Variants in ECI1 observed in about 807,000 individuals in gnomAD.
ECI1 encodes enoyl-CoA delta isomerase 1.
ECI1 carries 34 observed loss-of-function variants against 34.2 expected under a neutral mutation model. The observed-to-expected ratio is 1.00, with a 90% CI of 0.76 to 1.33. The LOEUF is 1.33. Ranked by LOEUF, ECI1 falls within the 40% of genes most tolerant of loss-of-function variation. The pLI is 0.00. For synonymous variants in ECI1, 211 were observed against 193.0 expected (o/e 1.09, Z -0.77); for missense variants, 456 against 422.2 (o/e 1.08, Z -0.70).
intron 2 of ECI1, among the ~76,000 whole-genome samples, chr16:2,249,522 A>G (rs1245404628): frequency 6.6e-6 from 1 of 151,954 alleles, no homozygotes; most frequent in East Asian, 1.9e-4. Context: ...AAAAAGGAAA[A>G]GTGTTCGTAC....
At chr16:2,248,836 G>A (rs1171009089) in intron 2 of ECI1, among the ~76,000 whole-genome samples, 1 of 152,060 alleles carries the variant, frequency 6.6e-6, no homozygotes, top group Non-Finnish European at 1.5e-5. Context: ...AGGAATCCCT[G>A]TCCCCATGAG....
chr16:2,243,340 G>C lies in ECI1; in HGVS notation c.541C>G (p.Leu181Val). The C allele has an allele frequency of 6.2e-7, 1 of 1,613,738 alleles. No individual in the cohort carries two copies. The highest frequency in any genetic ancestry group is 1.6e-4 in the Middle Eastern group (1 of 6,062). The change falls in exon 5 of 7, where the codon CTG becomes GTG. Residue 181 changes from leucine to valine, a missense_variant. Transcript: ENST00000301729. ...TACCAGAAAGGGGCGATGATGCCCA[G>C]CTGGGTCTCATTGAGTCCTATGCAG... ...RYCIGLNETQ[L>V]GIIAPFWLKD... is the part of the protein sequence containing the mutation.
intron 6 of ECI1, chr16:2,240,694 ATTAT>A (rs889905068): frequency 2.0e-5 from 3 of 152,398 alleles, no homozygotes; most frequent in South Asian, 2.0e-4. Flanking sequence ...CTAATTTTGT[ATTAT>A]TTATTTATTT....
chr16:2,244,648 C>G, intron 3 of ECI1, 96 bp from the exon 4 acceptor site: 1 of 1,355,554 alleles, frequency 7.4e-7, no homozygotes, highest in Non-Finnish European at 1.0e-6. Flanking sequence ...CGACGCACAG[C>G]AGGGCCAGGT....
intron 6 of ECI1, chr16:2,241,666 G>A (rs2093528420): frequency 6.6e-6 from 1 of 151,874 alleles, no homozygotes; most frequent in East Asian, 1.9e-4. Context: ...AAAATTATGT[G>A]AAACTCAAAT....
intron 4 of ECI1, 182 bp downstream of exon 4, chr16:2,244,224 C>G (rs369706352): frequency 7.4e-5 from 54 of 731,494 alleles, no homozygotes; most frequent in African/African-American, 6.0e-4. Flanking sequence ...GGCCCTCACC[C>G]GAGGCCCACC....
Position 2,249,395 on chromosome 16 carries a change from C to T in ECI1, c.166+1921G>A, listed in dbSNP as rs959563975. Among the ~76,000 whole-genome samples the T allele has an allele frequency of 3.3e-5, 5 of 152,114 alleles. No individual in the cohort carries two copies. The East Asian group carries it at 5.8e-4, about 18-fold the overall frequency. ...GTATTGGAATGGGTAGTGTGGACTACACATTGTGAATATACTTACGGCCAC... is the reference window on the plus strand; with the variant it reads ...GTATTGGAATGGGTAGTGTGGACTATACATTGTGAATATACTTACGGCCAC... On this transcript the variant is annotated intron_variant, in intron 2 of 6. Coordinates refer to ENST00000301729, the MANE Select transcript of ECI1 (RefSeq NM_001919.4).
chr16:2,250,483 G>C (rs908278655), intron 2 of ECI1, among the ~76,000 whole-genome samples: 4 of 152,182 alleles, frequency 2.6e-5, no homozygotes, highest in South Asian at 4.2e-4. Flanking sequence ...ACTTGCGGAG[G>C]GGGAGGGCCT....
intron 6 of ECI1, chr16:2,241,692 ATTT>A (rs958772831): frequency 7.0e-4 from 106 of 151,496 alleles, no homozygotes; most frequent in African/African-American, 2.4e-3. Flanking sequence ...TGTCCATAAA[ATTT>A]TTTTTGTTGT....
Position 2,242,957 on chromosome 16 carries a change from G to T in ECI1, c.742+89C>A. The T allele has an allele frequency of 3.9e-6, 4 of 1,029,698 alleles. No individual in the cohort carries two copies. The South Asian group carries it at 3.9e-5, about 10-fold the overall frequency. The allele number at this position is 1,029,698 out of a possible 1,614,324, so 63.8% of individuals were successfully genotyped here. On this transcript the variant is annotated intron_variant, in intron 6 of 6. Transcript: ENST00000301729. ...TGGCTGTGATTATCAACAGTCTCCC[G>T]AAGTCACGATGTCCACAGAAAACCT...
chr16:2,245,252 C>T (rs2093537566), intron 3 of ECI1, among the ~76,000 whole-genome samples: 1 of 152,182 alleles, frequency 6.6e-6, no homozygotes, highest in Admixed American at 6.5e-5. Flanking sequence ...CGTTTTCCTC[C>T]CGAGGGCCAG....
chr16:2,244,730 C>G (rs971079960), intron 3 of ECI1, among the ~76,000 whole-genome samples, 178 bp from the exon 4 acceptor site: 1 of 152,208 alleles, frequency 6.6e-6, no homozygotes, highest in Non-Finnish European at 1.5e-5. Context: ...AAGGCTTCTC[C>G]TGGACCTGGC....
chr16:2,246,182 C>T (rs113941180), intron 3 of ECI1, among the ~76,000 whole-genome samples: 9 of 152,210 alleles, frequency 5.9e-5, no homozygotes, highest in South Asian at 2.1e-4. Context: ...GTAATGACAC[C>T]GTTCCCACAG....
intron 3 of ECI1, among the ~76,000 whole-genome samples, chr16:2,246,577 G>T (rs970250299): frequency 6.6e-6 from 1 of 152,172 alleles, no homozygotes; most frequent in Non-Finnish European, 1.5e-5. Flanking sequence ...TCTTGGGAAA[G>T]CTGTCTCCTG....
intron 1 of ECI1, 35 bp from the exon 2 acceptor site, chr16:2,251,464 C>T (rs778110537): frequency 6.5e-7 from 1 of 1,527,220 alleles, no homozygotes; most frequent in South Asian, 1.2e-5. Context: ...CGTTAGTTCC[C>T]GGTCCTGGCC....
chr16:2,242,872 T>C lies in ECI1; in HGVS notation c.742+174A>G. On this transcript the variant is annotated intron_variant, in intron 6 of 6. Coordinates refer to ENST00000301729, the MANE Select transcript of ECI1 (RefSeq NM_001919.4). Reference sequence around the variant, plus strand: ...GGTCTCCAGCACCGTGAGATGAGCTTCTGCGGTCTGGGCCACCCGGTCTGT... The same window carrying C: ...GGTCTCCAGCACCGTGAGATGAGCTCCTGCGGTCTGGGCCACCCGGTCTGT... 4 of 638,076 alleles carry C rather than the reference T, an allele frequency of 6.3e-6. No homozygotes were observed. The Admixed American group carries it at 6.9e-5, about 11-fold the overall frequency. 39.5% of individuals were successfully genotyped at this position (638,076 alleles called of 1,614,324 possible).
At chr16:2,245,556 G>A (rs569972093) in intron 3 of ECI1, among the ~76,000 whole-genome samples, 8 of 152,302 alleles carry the variant, frequency 5.3e-5, no homozygotes, top group Non-Finnish European at 5.9e-5. Flanking sequence ...TCTACAAAAC[G>A]CGTTCTACTT....
rs2093553176 is a variant in ECI1, at chr16:2,251,335, C to T, written c.147G>A (p.Val49=). 5 of 1,247,336 alleles carry T rather than the reference C, an allele frequency of 4.0e-6. No individual in the cohort carries two copies. Among genetic ancestry groups the T allele is most frequent in the Non-Finnish European group, 5.0e-6 (5 of 992,082 alleles). 77.3% of individuals were successfully genotyped at this position (1,247,336 alleles called of 1,614,324 possible). Residue 49 remains valine, a synonymous_variant, in exon 2 of 7, where the codon GTG becomes GTA. Coordinates refer to ENST00000301729, the MANE Select transcript of ECI1 (RefSeq NM_001919.4). The part of the protein sequence containing the change: ...ARRFGSQRVL[V]EPDAGAGVAV... ...GCTCACCTGCGCCCGCGTCCGGCTC[C>T]ACCAGCACCCGCTGGCTCCCGAAGC...
chr16:2,250,909 C>T (rs1167308115), intron 2 of ECI1, among the ~76,000 whole-genome samples: 2 of 149,556 alleles, frequency 1.3e-5, no homozygotes, highest in African/African-American at 4.8e-5. Flanking sequence ...GCAGCCTCCA[C>T]CTCCCAGATT....
Sources: gnomAD v4.1 joint callset for allele counts (sites outside exome capture counted in the v4.1 genomes callset) on GRCh38, gnomAD v4.1.1 for gene constraint, MANE v1.5 for transcripts, NCBI Gene and HGNC (gene_info 2026-07-23, HGNC 2026-07-21) for gene names.